CADM1: variants seen among roughly 807,000 people sequenced by gnomAD.
The protein encoded by CADM1 is TSLC-1.
A neutral mutation model predicts 53.1 loss-of-function variants in CADM1; 15 were observed. The observed-to-expected ratio is 0.28, with a 90% CI of 0.19 to 0.44. The LOEUF (loss-of-function observed/expected upper bound fraction) is 0.44. CADM1 is among the 20% of genes least tolerant of loss of function. CADM1 has a pLI of 1.00. For synonymous variants in CADM1, 281 were observed against 243.0 expected (o/e 1.16, Z -1.45); for missense variants, 434 against 611.3 (o/e 0.71, Z 3.06).
chr11:115,266,181 GGA>G (rs1943130175), intron 1 of CADM1, among the ~76,000 whole-genome samples: 2 of 152,180 alleles, frequency 1.3e-5, no homozygotes, highest in African/African-American at 4.8e-5. Context: ...CAGAGGGGCT[GGA>G]CTGCACCAGT....
At chr11:115,350,852 G>C (rs1945714633) in intron 1 of CADM1, among the ~76,000 whole-genome samples, 1 of 150,724 alleles carries the variant, frequency 6.6e-6, no homozygotes, top group Non-Finnish European at 1.5e-5. Context: ...GATCTGGAAA[G>C]TCACGTTTAA....
intron 1 of CADM1, among the ~76,000 whole-genome samples, chr11:115,282,808 T>G (rs961881624): frequency 6.6e-6 from 1 of 152,184 alleles, no homozygotes; most frequent in Admixed American, 6.5e-5. Context: ...TGGCAATTAT[T>G]TACAGGGGAT....
intron 1 of CADM1, among the ~76,000 whole-genome samples, chr11:115,268,357 T>C (rs948649741): frequency 2.0e-5 from 3 of 152,224 alleles, no homozygotes; most frequent in Non-Finnish European, 4.4e-5. Context: ...GAAAGGTTGC[T>C]GGACAATGCT....
intron 1 of CADM1, among the ~76,000 whole-genome samples, chr11:115,286,604 T>G (rs145135675): frequency 6.6e-6 from 1 of 152,346 alleles, no homozygotes; most frequent in Non-Finnish European, 1.5e-5. Flanking sequence ...AAGTGCCTGC[T>G]TCAAACGCAG....
intron 1 of CADM1, among the ~76,000 whole-genome samples, chr11:115,327,448 T>G (rs1023780105): frequency 6.6e-6 from 1 of 152,182 alleles, no homozygotes; most frequent in Non-Finnish European, 1.5e-5. Context: ...CATATACAAA[T>G]CTTGTTTCTG....
chr11:115,369,868 C>A (rs1420739330), intron 1 of CADM1, among the ~76,000 whole-genome samples: 1 of 152,212 alleles, frequency 6.6e-6, no homozygotes, highest in Admixed American at 6.5e-5. Flanking sequence ...ATACACAATT[C>A]TGAAATGCTG....
chr11:115,175,968 A>G lies in CADM1; in HGVS notation c.*506T>C. 9.7e-7 allele frequency: 1 copy of G among 1,033,322 alleles called. No homozygotes were observed. The highest frequency in any genetic ancestry group is 1.2e-6 in the Non-Finnish European group (1 of 859,680). The allele number at this position is 1,033,322 out of a possible 1,614,324, so 64.0% of individuals were successfully genotyped here. On this transcript the variant is annotated 3_prime_UTR_variant, in exon 12 of 12. Coordinates refer to ENST00000331581, the MANE Select transcript of CADM1 (RefSeq NM_001301043.2). ...GCTGTGCTGGTTCTCCTTTTATGAA[A>G]CTGAATTTGGAACAGAAAGCAGTTA...
rs1366681911 is a variant in CADM1 at position 115,487,725 on chromosome 11, T to C, written c.124+16546A>G. Among the ~76,000 whole-genome samples the C allele has an allele frequency of 2.0e-5, 3 of 152,290 alleles. No homozygotes were observed. The East Asian group carries it at 5.8e-4, about 29-fold the overall frequency. ...GTTTTCATGCAAATGACCAGAATAA[T>C]GAAATAAGCAATCCTGCCGACAGGC... On this transcript the variant is annotated intron_variant, in intron 1 of 11. Coordinates refer to ENST00000331581, the MANE Select transcript of CADM1 (RefSeq NM_001301043.2).
intron 1 of CADM1, among the ~76,000 whole-genome samples, chr11:115,322,008 A>T (rs181572325): frequency 7.0e-4 from 107 of 152,166 alleles, no homozygotes; most frequent in African/African-American, 2.4e-3. Flanking sequence ...CCAACCTATC[A>T]CTCAAAAGAA....
intron 5 of CADM1, among the ~76,000 whole-genome samples, chr11:115,219,272 T>C (rs564385064): frequency 2.0e-5 from 3 of 152,198 alleles, no homozygotes; most frequent in African/African-American, 4.8e-5. Context: ...ACCAATCTCA[T>C]CTTGTACACA....
intron 5 of CADM1, among the ~76,000 whole-genome samples, chr11:115,224,751 A>G (rs758149494): frequency 2.3e-4 from 35 of 152,280 alleles, no homozygotes; most frequent in Non-Finnish European, 4.6e-4. Flanking sequence ...TGCCACCTTG[A>G]TGCTATTTAG....
At chr11:115,349,434 A>C (rs1421037558) in intron 1 of CADM1, among the ~76,000 whole-genome samples, 1 of 152,214 alleles carries the variant, frequency 6.6e-6, no homozygotes, top group African/African-American at 2.4e-5. Context: ...TCCTAAAACA[A>C]TGGCTAGTTT....
intron 1 of CADM1, among the ~76,000 whole-genome samples, chr11:115,365,634 T>C (rs1045244435): frequency 6.6e-6 from 1 of 152,156 alleles, no homozygotes; most frequent in African/African-American, 2.4e-5. Flanking sequence ...ATGACTTTTT[T>C]TGATTAACCA....
chr11:115,285,511 G>A (rs1356721155), intron 1 of CADM1, among the ~76,000 whole-genome samples: 1 of 152,196 alleles, frequency 6.6e-6, no homozygotes, highest in Non-Finnish European at 1.5e-5. Context: ...GTCTGGAATC[G>A]TTGAAAGAGT....
intron 3 of CADM1, 40 bp from the exon 4 acceptor site, chr11:115,231,530 AT>A (rs1204264987): frequency 6.3e-7 from 1 of 1,598,552 alleles, no homozygotes; most frequent in Non-Finnish European, 8.6e-7. Context: ...CACAGAATGC[AT>A]TTTTGCATTG....
At chr11:115,195,432 A>G (rs1940099164) in intron 9 of CADM1, among the ~76,000 whole-genome samples, 1 of 152,244 alleles carries the variant, frequency 6.6e-6, no homozygotes, top group African/African-American at 2.4e-5. Context: ...TCCTTTTTAT[A>G]AAAACACAGA....
chr11:115,398,628 A>G (rs1221306316), intron 1 of CADM1, among the ~76,000 whole-genome samples: 2 of 152,226 alleles, frequency 1.3e-5, no homozygotes, highest in East Asian at 1.9e-4. Flanking sequence ...CTCAGCTTAC[A>G]TTCTTTAGTC....
intron 1 of CADM1, among the ~76,000 whole-genome samples, chr11:115,266,695 C>T (rs375240914): frequency 2.2e-4 from 34 of 152,220 alleles, no homozygotes; most frequent in African/African-American, 7.7e-4. Context: ...TCTGTCATTC[C>T]GTGCAGCTCA....
At chr11:115,197,221 G>C (rs1940200827) in intron 9 of CADM1, among the ~76,000 whole-genome samples, 1 of 152,216 alleles carries the variant, frequency 6.6e-6, no homozygotes, top group Non-Finnish European at 1.5e-5. Context: ...ACAGAGCTCA[G>C]AGATTTTCCA....
Sources: allele counts gnomAD v4.1 joint callset (sites outside exome capture counted in the v4.1 genomes callset), GRCh38; gene constraint gnomAD v4.1.1; transcripts MANE v1.5; gene names NCBI Gene and HGNC (gene_info 2026-07-23, HGNC 2026-07-21).